The following ADH5 variants were observed in gnomAD, a reference collection of about 807,000 sequenced individuals.
The protein encoded by ADH5 is alcohol dehydrogenase class-3.
A neutral mutation model predicts 40.3 loss-of-function variants in ADH5; 32 were observed. That is an observed-to-expected ratio of 0.79 (90% CI 0.60 to 1.07). The LOEUF is 1.07. Ranked by LOEUF, ADH5 falls within the 50% of genes least tolerant of loss-of-function variation. The pLI is 0.00. For missense variants in ADH5, 353 were observed against 460.5 expected, an observed-to-expected ratio of 0.77 and a Z score of 2.14; for synonymous variants, 125 against 154.3, an observed-to-expected ratio of 0.81 and a Z score of 1.41.
intron 7 of ADH5, among the ~76,000 whole-genome samples, chr4:99,073,462 G>A (rs868470014): frequency 6.6e-6 from 1 of 152,230 alleles, no homozygotes; most frequent in Non-Finnish European, 1.5e-5. Flanking sequence ...ACAGGCGTGA[G>A]CCACCAGGCC....
chr4:99,080,121 T>C (rs750767653), intron 4 of ADH5: 1 of 342,008 alleles, frequency 2.9e-6, no homozygotes, highest in Non-Finnish European at 5.6e-6. Flanking sequence ...ACAGAAACAC[T>C]GCTTCAAAGC....
At chr4:99,079,759 A>G (rs1314226288) in intron 4 of ADH5, 5 of 274,192 alleles carry the variant, frequency 1.8e-5, no homozygotes, top group Non-Finnish European at 3.6e-5. Flanking sequence ...TCAAGGAGTT[A>G]GGTTATCTCC....
At chr4:99,079,795 G>C (rs1727994754) in intron 4 of ADH5, 1 of 332,974 alleles carries the variant, frequency 3.0e-6, no homozygotes, top group Non-Finnish European at 5.8e-6. Flanking sequence ...AGCCTTAGTG[G>C]GTAAGTTTTA....
chr4:99,076,765 T>G lies in ADH5; in HGVS notation c.503A>C (p.Lys168Thr). ...AATGCCACAACCTAGAAGGCAGACT[T>G]TATCCAAAGGTGCTAAAGGATCTAT... is the stretch of plus-strand genomic sequence containing the variant. ...AKIDPLAPLD[K>T]VCLLGCGIST... The change falls in exon 5 of 9, where the codon AAA (lysine) becomes ACA (threonine). Residue 168 changes from lysine to threonine, a missense_variant. Coordinates refer to ENST00000296412, the MANE Select transcript of ADH5 (RefSeq NM_000671.4). 1 of 1,613,996 alleles carries G rather than the reference T, an allele frequency of 6.2e-7. No homozygotes were observed. Among genetic ancestry groups the G allele is most frequent in the Non-Finnish European group, 8.5e-7 (1 of 1,179,892 alleles).
intron 4 of ADH5, chr4:99,080,787 A>ATGCACTACATAAAC (rs1311716407): frequency 6.4e-6 from 1 of 155,884 alleles, no homozygotes; most frequent in African/African-American, 2.4e-5. Context: ...CTGATGTACA[A>ATGCACTACATAAAC]TGCACTACAT....
chr4:99,086,741 G>A (rs1343291578), intron 1 of ADH5, among the ~76,000 whole-genome samples: 2 of 150,862 alleles, frequency 1.3e-5, no homozygotes, highest in Admixed American at 1.3e-4. Flanking sequence ...TCAGGAGATC[G>A]AGACCATCCT....
Position 99,077,851 on chromosome 4 carries a change from C to T in ADH5, c.345-928G>A, listed in dbSNP as rs149434070. The stretch of plus-strand genomic sequence containing the variant: ...GATGTAACATCTTGCTTAGGAGGAC[C>T]CACCCTAAAGTCAGAGCACTTGGGT... On this transcript the variant is annotated intron_variant, in intron 4 of 8. Transcript: ENST00000296412. Among the ~76,000 whole-genome samples the T allele has an allele frequency of 8.0e-3, 1,221 of 152,238 alleles. 14 individuals carry two copies. The highest frequency in any genetic ancestry group is 0.028 in the African/African-American group (1,170 of 41,532).
In ADH5 at chr4:99,072,444, G is replaced by C. The variant is rs767002492; in HGVS notation, c.1101-3C>G. 3.1e-6 allele frequency: 5 copies of C among 1,613,172 alleles called. No individual in the cohort carries two copies. In the East Asian group the frequency reaches 1.1e-4, roughly 36 times the overall value. ...AAATCTTTACAACAGTTCGAATGCT[G>C]TAAAAGGAAGCAACATACTAAGTTT... On this transcript the variant is annotated splice_polypyrimidine_tract_variant and splice_region_variant and intron_variant, in intron 8 of 8. Coordinates refer to ENST00000296412, the MANE Select transcript of ADH5 (RefSeq NM_000671.4).
intron 4 of ADH5, among the ~76,000 whole-genome samples, chr4:99,081,051 G>A (rs566507431): frequency 1.8e-4 from 28 of 152,294 alleles, no homozygotes; most frequent in Admixed American, 1.8e-3. Context: ...AAGGTCACTA[G>A]ACAGATCATC....
Position 99,082,092 on chromosome 4 carries a change from T to C in ADH5, c.139A>G (p.Thr47Ala). ...GCTCCACTCAGGGTATAGGCATCGGTGTGGCAAACCGCAGTGGCAATGATC... is the reference window on the plus strand; with the variant it reads ...GCTCCACTCAGGGTATAGGCATCGGCGTGGCAAACCGCAGTGGCAATGATC... ...IKIIATAVCHTDAYTLSGADP... is the reference protein window; with the variant it reads ...IKIIATAVCHADAYTLSGADP... Residue 47 changes from threonine (T) to alanine (A), a missense_variant, in exon 3 of 9, where the codon ACC (threonine) becomes GCC (alanine). Thr to Ala is a moderately conservative substitution (Grantham distance 58). Transcript: ENST00000296412. 6.2e-7 allele frequency: 1 copy of C among 1,613,866 alleles called. No homozygotes were observed. The highest frequency in any genetic ancestry group is 8.5e-7 in the Non-Finnish European group (1 of 1,179,834).
At chr4:99,077,610 GA>G in intron 4 of ADH5, among the ~76,000 whole-genome samples, 1 of 152,320 alleles carries the variant, frequency 6.6e-6, no homozygotes, top group African/African-American at 2.4e-5. Context: ...ATCAACTAAT[GA>G]AAACAGATAG....
rs201260644 is a variant in ADH5 at position 99,076,407 on chromosome 4, G to A, written c.710C>T (p.Ala237Val). The A allele has an allele frequency of 1.2e-5, 20 of 1,614,084 alleles. No homozygotes were observed. Among genetic ancestry groups the A allele is most frequent in the Non-Finnish European group, 1.5e-5 (18 of 1,180,022 alleles). Residue 237 changes from alanine (A) to valine (V), a missense_variant, in exon 6 of 9, where the codon GCC (alanine) becomes GTC (valine). Ala to Val is a moderately conservative substitution (Grantham distance 64). Coordinates refer to ENST00000296412, the MANE Select transcript of ADH5 (RefSeq NM_000671.4). The stretch of plus-strand genomic sequence containing the variant: ...ATCCTGAGGGTTAATACATTCAGTG[G>A]CTCCAAACTCTTTGGCCCTTGCAAA... Reference protein sequence around the residue: ...DKFARAKEFGATECINPQDFS... With the variant: ...DKFARAKEFGVTECINPQDFS...
intron 2 of ADH5, among the ~76,000 whole-genome samples, chr4:99,082,352 C>T (rs1273551232): frequency 1.3e-5 from 2 of 152,144 alleles, no homozygotes; most frequent in Non-Finnish European, 2.9e-5. Context: ...TTATATGCAA[C>T]GAAATAGGGA....
In ADH5 at chr4:99,072,343, G is replaced by C. The variant is rs1250131544; in HGVS notation, c.*74C>G. ...GAAGCTCTACGAGGCTGTGAGGTTGGAGGCGCTTCTCCCTGCCTGTTAAGC... is the reference window on the plus strand; with the variant it reads ...GAAGCTCTACGAGGCTGTGAGGTTGCAGGCGCTTCTCCCTGCCTGTTAAGC... On this transcript the variant is annotated 3_prime_UTR_variant, in exon 9 of 9. Coordinates refer to ENST00000296412, the MANE Select transcript of ADH5 (RefSeq NM_000671.4). 7 of 1,442,646 alleles carry C rather than the reference G, an allele frequency of 4.9e-6. No individual in the cohort carries two copies. Among genetic ancestry groups the C allele is most frequent in the East Asian group, 4.5e-5 (2 of 44,024 alleles). The allele number at this position is 1,442,646 out of a possible 1,614,324, so 89.4% of individuals were successfully genotyped here. A position where few individuals can be genotyped will look rare whatever the true frequency, so the allele number is the denominator to read the frequency against.
At chr4:99,085,037 G>T in intron 2 of ADH5, 78 bp downstream of exon 2, 2 of 648,900 alleles carry the variant, frequency 3.1e-6, no homozygotes, top group African/African-American at 1.9e-5. Context: ...TTTATCCTCT[G>T]CAGATCTCAG....
intron 6 of ADH5, 74 bp from the exon 7 acceptor site, chr4:99,075,123 T>G: frequency 7.5e-7 from 1 of 1,326,046 alleles, no homozygotes. Context: ...GCGAAACTTC[T>G]AGAGATGGCA....
rs768427929 is a variant in ADH5, at chr4:99,072,754, G to A, written c.962-43C>T. On this transcript the variant is annotated intron_variant, in intron 7 of 8. Coordinates refer to ENST00000296412, the MANE Select transcript of ADH5 (RefSeq NM_000671.4). The stretch of plus-strand genomic sequence containing the variant: ...TTAATTTATTCAACAAATTTCTGCA[G>A]TATGCTTGTTACTTAGCTGAGGACA... The A allele has an allele frequency of 3.8e-6, 6 of 1,574,238 alleles. No individual in the cohort carries two copies. In the Admixed American group the frequency reaches 5.5e-5, roughly 14 times the overall value.
intron 1 of ADH5, 91 bp downstream of exon 1, chr4:99,088,598 C>T: frequency 7.3e-7 from 1 of 1,369,320 alleles, no homozygotes; most frequent in South Asian, 1.6e-5. Flanking sequence ...TCTTGGGCGC[C>T]GAGCCTCGCG....
chr4:99,080,042 T>C (rs1727999256), intron 4 of ADH5: 1 of 451,818 alleles, frequency 2.2e-6, no homozygotes, highest in Admixed American at 2.4e-5. Context: ...AAGTTACTAT[T>C]AATACAATGG....
Sources: gnomAD v4.1 joint callset for allele counts (sites outside exome capture counted in the v4.1 genomes callset) on GRCh38, gnomAD v4.1.1 for gene constraint, MANE v1.5 for transcripts, NCBI Gene and HGNC (gene_info 2026-07-23, HGNC 2026-07-21) for gene names.